Variants in WDFY4 observed in about 807,000 individuals in gnomAD.
The protein encoded by WDFY4 is WD repeat- and FYVE domain-containing protein 4.
A neutral mutation model predicts 351.9 loss-of-function variants in WDFY4; 169 were observed. The ratio of observed to expected loss-of-function variants is 0.48; its 90% CI spans 0.42 to 0.55. The LOEUF is 0.55. Among genes scored for constraint, WDFY4 ranks in the 20% least tolerant of loss-of-function variants. WDFY4 has a pLI of 0.00. For synonymous variants in WDFY4, 1,622 were observed against 1,574.6 expected, an observed-to-expected ratio of 1.03 and a Z score of -0.71; for missense variants, 3,803 against 3,935.6, an observed-to-expected ratio of 0.97 and a Z score of 0.90.
At chr10:48,910,204 C>T in intron 47 of WDFY4, 2 of 1,313,288 alleles carry the variant, frequency 1.5e-6, no homozygotes, top group Non-Finnish European at 2.1e-6. Context: ...ATTCTGTTAG[C>T]TGAGTAGTCT....
chr10:48,770,157 G>A (rs2065814582), intron 13 of WDFY4, among the ~76,000 whole-genome samples: 1 of 152,212 alleles, frequency 6.6e-6, no homozygotes, highest in African/African-American at 2.4e-5. Flanking sequence ...GAGCTGCAGT[G>A]ATAATGAGGA....
intron 4 of WDFY4, among the ~76,000 whole-genome samples, chr10:48,721,880 C>T (rs2064100510): frequency 6.6e-6 from 1 of 152,152 alleles, no homozygotes; most frequent in African/African-American, 2.4e-5. Context: ...TTATTTCTTC[C>T]TGTTAGAGTC....
At chr10:48,824,442 T>C (rs963668168) in intron 35 of WDFY4, among the ~76,000 whole-genome samples, 1 of 152,272 alleles carries the variant, frequency 6.6e-6, no homozygotes, top group Non-Finnish European at 1.5e-5. Context: ...TTCTCATACA[T>C]TGAATGTCAA....
chr10:48,767,589 G>A (rs988593196), intron 13 of WDFY4, among the ~76,000 whole-genome samples: 5 of 152,174 alleles, frequency 3.3e-5, no homozygotes, highest in Admixed American at 1.3e-4. Flanking sequence ...GCTGGCTTAA[G>A]GTAGGGAGGG....
chr10:48,804,781 G>GT lies in WDFY4; in HGVS notation c.4485-478dup. The GT allele has an allele frequency of 1.0e-5, 10 of 977,096 alleles. No individual in the cohort carries two copies. The South Asian group carries it at 4.7e-4, about 46-fold the overall frequency. The allele number at this position is 977,096 out of a possible 1,614,324, so 60.5% of individuals were successfully genotyped here. On this transcript the variant is annotated intron_variant, in intron 25 of 61. Transcript: ENST00000325239. ...GATTTGTGAGTATCTGAGGGAGGGGGTATGGATAGGTGGATTCTGTCTTTT... is the reference window on the plus strand; with the variant it reads ...GATTTGTGAGTATCTGAGGGAGGGGGTTATGGATAGGTGGATTCTGTCTTTT...
At chr10:48,820,830 C>A (rs2067798815) in intron 33 of WDFY4, among the ~76,000 whole-genome samples, 1 of 152,156 alleles carries the variant, frequency 6.6e-6, no homozygotes, top group Non-Finnish European at 1.5e-5. Context: ...GACAGGTGGC[C>A]GTGGGCTGTG....
At position 48,778,736 on chromosome 10, in the gene WDFY4, A is replaced by C; in HGVS notation, c.3301A>C (p.Arg1101=). Residue 1101 remains arginine, a synonymous_variant, in exon 18 of 62, where the codon AGG becomes CGG. Transcript: ENST00000325239. ...CCTGACGTTGGTGCGCCACCTGGCCAGGACTGAGCAACCCTTTGTTTGCTT... is the reference window on the plus strand; with the variant it reads ...CCTGACGTTGGTGCGCCACCTGGCCCGGACTGAGCAACCCTTTGTTTGCTT... The part of the protein sequence containing the change: ...RFLTLVRHLA[R]TEQPFVCFSV... 6.4e-7 allele frequency: 1 copy of C among 1,551,686 alleles called. No individual in the cohort carries two copies. The highest frequency in any genetic ancestry group is 8.7e-7 in the Non-Finnish European group (1 of 1,147,012).
At position 48,723,438 on chromosome 10, in the gene WDFY4, G is replaced by C. The variant is rs760404082; in HGVS notation, c.462G>C (p.Thr154=). Residue 154 remains threonine, a synonymous_variant, in exon 5 of 62, where the codon ACG becomes ACC. Transcript: ENST00000325239. The stretch of plus-strand genomic sequence containing the variant: ...CGTGTGCTCTTCTCTTGCAGGAGAC[G>C]CTGGGCAGGGTTGCTGAGTCTGGGC... ...VYVLTGTDSE[T]LGRVAESGLP... The C allele has an allele frequency of 6.5e-7, 1 of 1,549,696 alleles. No individual in the cohort carries two copies. The highest frequency in any genetic ancestry group is 1.2e-5 in the South Asian group (1 of 83,980).
intron 46 of WDFY4, among the ~76,000 whole-genome samples, chr10:48,900,797 A>G (rs1837313193): frequency 6.6e-6 from 1 of 152,236 alleles, no homozygotes; most frequent in Admixed American, 6.5e-5. Context: ...CAGATGGATC[A>G]GTTTAAGAAA....
chr10:48,897,100 AC>A (rs1837116635), intron 44 of WDFY4, among the ~76,000 whole-genome samples: 1 of 151,950 alleles, frequency 6.6e-6, no homozygotes, highest in Non-Finnish European at 1.5e-5. Flanking sequence ...CCCCACTCTC[AC>A]CCAGGGGCCT....
At chr10:48,695,113 C>G (rs1471935861) in intron 1 of WDFY4, among the ~76,000 whole-genome samples, 1 of 152,250 alleles carries the variant, frequency 6.6e-6, no homozygotes, top group Non-Finnish European at 1.5e-5. Flanking sequence ...ATGACTGACA[C>G]TGAGTGTGCT....
At chr10:48,909,237 C>T (rs35340770) in intron 47 of WDFY4, among the ~76,000 whole-genome samples, 20,777 of 152,170 alleles carry the variant, frequency 0.14, 1,586 homozygotes, top group Middle Eastern at 0.22. Context: ...ACATTTATTA[C>T]AATTATCAAA....
Position 48,776,772 on chromosome 10 carries a change from G to A in WDFY4, c.2886G>A (p.Leu962=). 6.5e-7 allele frequency: 1 copy of A among 1,549,590 alleles called. No homozygotes were observed. The highest frequency in any genetic ancestry group is 2.4e-5 in the East Asian group (1 of 40,918). Residue 962 remains leucine (L), a synonymous_variant, in exon 16 of 62, where the codon TTG becomes TTA. Transcript: ENST00000325239. ...TAGGGTCACAGACTGCACAGGGCTT[G>A]GCTGAGGGGCCCTGGCCAGCTGCCC... The part of the protein sequence containing the change: ...GCSGSQTAQG[L]AEGPWPAAPD...
chr10:48,956,818 G>C (rs926000159), intron 51 of WDFY4, among the ~76,000 whole-genome samples: 4 of 152,206 alleles, frequency 2.6e-5, no homozygotes, highest in African/African-American at 9.7e-5. Flanking sequence ...TGCAGTCTTG[G>C]AAGTGCTCAG....
intron 47 of WDFY4, among the ~76,000 whole-genome samples, chr10:48,904,068 C>T (rs544897381): frequency 3.9e-5 from 6 of 152,180 alleles, no homozygotes; most frequent in Non-Finnish European, 8.8e-5. Flanking sequence ...GGGATAAGAA[C>T]TGAGAAATGA....
chr10:48,723,123 C>T (rs2132288016), intron 4 of WDFY4, among the ~76,000 whole-genome samples: 1 of 152,070 alleles, frequency 6.6e-6, no homozygotes, highest in East Asian at 1.9e-4. Context: ...TCTACAGTCC[C>T]TCCCCTTTTC....
At chr10:48,751,467 G>A (rs2065179191) in intron 12 of WDFY4, among the ~76,000 whole-genome samples, 1 of 152,188 alleles carries the variant, frequency 6.6e-6, no homozygotes, top group Admixed American at 6.5e-5. Context: ...TCCTTCCAGG[G>A]ATGGCAGTAG....
intron 39 of WDFY4, among the ~76,000 whole-genome samples, chr10:48,848,708 G>A (rs1393218654): frequency 2.6e-5 from 4 of 152,146 alleles, no homozygotes; most frequent in East Asian, 3.8e-4. Flanking sequence ...TGATTTTGGC[G>A]GGCTGGTGGG....
chr10:48,829,277 C>T (rs777536870), intron 37 of WDFY4, among the ~76,000 whole-genome samples: 5 of 152,118 alleles, frequency 3.3e-5, no homozygotes, highest in Non-Finnish European at 7.3e-5. Flanking sequence ...TTAGTTCAAG[C>T]CATTACCTAG....
Sources: gnomAD v4.1 joint callset for allele counts (sites outside exome capture counted in the v4.1 genomes callset) on GRCh38, gnomAD v4.1.1 for gene constraint, MANE v1.5 for transcripts, NCBI Gene and HGNC (gene_info 2026-07-23, HGNC 2026-07-21) for gene names.